Variants in CASZ1 observed in about 807,000 individuals in gnomAD.
CASZ1 encodes castor zinc finger 1, also known as zinc finger protein castor homolog 1.
In CASZ1, 28 loss-of-function variants were observed where a neutral mutation model predicts 135.2. The observed-to-expected ratio is 0.21, with a 90% confidence interval of 0.15 to 0.28. The LOEUF (loss-of-function observed/expected upper bound fraction) is 0.28, where lower values mean the gene tolerates loss of function less well. CASZ1 is among the 10% of genes least tolerant of loss of function. The pLI, the probability that CASZ1 is intolerant of heterozygous loss-of-function variation, is 1.00. For missense variants in CASZ1, 2,161 were observed against 2,453.3 expected (o/e 0.88, Z 2.52); for synonymous variants, 1,068 against 1,073.4 (o/e 0.99, Z 0.10).
Position 10,709,289 on chromosome 1 carries a change from G to A in CASZ1, c.-76-3745C>T, listed in dbSNP as rs61776336. 6.8e-3 allele frequency among the ~76,000 whole-genome samples: 1,043 copies of A among 152,266 alleles called. 18 individuals carry two copies. The highest frequency in any genetic ancestry group is 0.024 in the African/African-American group (990 of 41,556). ...CCCATCCGCCCCCGCACTCCACTGCGTCTCCTTCCCCCTGCCCCCAGCCCC... is the reference window on the plus strand; with the variant it reads ...CCCATCCGCCCCCGCACTCCACTGCATCTCCTTCCCCCTGCCCCCAGCCCC... On this transcript the variant is annotated intron_variant, in intron 2 of 20. Coordinates refer to ENST00000377022, the MANE Select transcript of CASZ1 (RefSeq NM_001079843.3). This position sits in a 1 kb window ranked among gnomAD's most constrained non-coding sequence, Gnocchi z 5.1.
chr1:10,653,980 C>T lies in CASZ1; in HGVS notation c.2077G>A (p.Glu693Lys), dbSNP rs1434818579. The T allele has an allele frequency of 6.2e-7, 1 of 1,614,036 alleles. No individual in the cohort carries two copies. Among genetic ancestry groups the T allele is most frequent in the Non-Finnish European group, 8.5e-7 (1 of 1,179,940 alleles). Residue 693 changes from glutamate (E) to lysine (K), a missense_variant, in exon 11 of 21, where the codon GAG (glutamate) becomes AAG (lysine). This residue lies in a region of CASZ1 where 248 missense variants were observed against 410.8 expected (regional missense o/e 0.60). Transcript: ENST00000377022. ...CCCGAGGAGCGGATGTGCCGGCGCT[C>T]ATGCTTGCGCTTGTGAGAGGTCATC... is the stretch of plus-strand genomic sequence containing the variant. ...SQMTSHKRKH[E>K]RRHIRSSGAL...
At chr1:10,698,933 C>T (rs1049202803) in intron 3 of CASZ1, among the ~76,000 whole-genome samples, 5 of 152,224 alleles carry the variant, frequency 3.3e-5, no homozygotes, top group African/African-American at 1.2e-4. Context: ...CACAGCGGAC[C>T]GGACCGGAGG....
At chr1:10,784,891 A>G (rs1640827424) in intron 1 of CASZ1, among the ~76,000 whole-genome samples, 1 of 152,162 alleles carries the variant, frequency 6.6e-6, no homozygotes, top group Non-Finnish European at 1.5e-5. Context: ...GAAATAGACT[A>G]AAAGCATCTA....
chr1:10,793,293 C>A (rs1640996761), intron 1 of CASZ1, among the ~76,000 whole-genome samples: 1 of 151,984 alleles, frequency 6.6e-6, no homozygotes, highest in Admixed American at 6.5e-5. Flanking sequence ...GATGATGCAA[C>A]TTAGAGATCA....
At chr1:10,688,277 A>G (rs953693959) in intron 4 of CASZ1, among the ~76,000 whole-genome samples, 10 of 152,196 alleles carry the variant, frequency 6.6e-5, no homozygotes, top group African/African-American at 1.9e-4. Flanking sequence ...CAGCTTCTCT[A>G]TCTTTTTCCA....
rs575151021 is a variant in CASZ1, at chr1:10,676,376, C to A, written c.17-10805G>T. 1.3e-5 allele frequency among the ~76,000 whole-genome samples: 2 copies of A among 152,206 alleles called. No homozygotes were observed. Among genetic ancestry groups the A allele is most frequent in the Non-Finnish European group, 2.9e-5 (2 of 68,020 alleles). ...GTCCTTCCTCTCCAAGGAGAGCCACCACAGAAGCAAAGCTCTCACTCCATC... is the reference window on the plus strand; with the variant it reads ...GTCCTTCCTCTCCAAGGAGAGCCACAACAGAAGCAAAGCTCTCACTCCATC... On this transcript the variant is annotated intron_variant, in intron 4 of 20. Coordinates refer to ENST00000377022, the MANE Select transcript of CASZ1 (RefSeq NM_001079843.3). This position sits in a 1 kb window ranked among gnomAD's most constrained non-coding sequence, Gnocchi z 4.5.
rs775586340 is a variant in CASZ1, at chr1:10,739,247, G to A, written c.-77+21454C>T. ...GCAGCTGCGGGACGGGTGCATTCAC[G>A]AGGGGGGTGTGTGCGCCTGGGGGTC... On this transcript the variant is annotated intron_variant, in intron 2 of 20. Transcript: ENST00000377022. This position sits in a 1 kb window ranked among gnomAD's most constrained non-coding sequence, Gnocchi z 4.8. 6.6e-6 allele frequency among the ~76,000 whole-genome samples: 1 copy of A among 152,146 alleles called. No homozygotes were observed. Among genetic ancestry groups the A allele is most frequent in the Admixed American group, 6.5e-5 (1 of 15,288 alleles).
Position 10,759,072 on chromosome 1 carries a change from C to G in CASZ1, c.-77+1629G>C, listed in dbSNP as rs1194554783. 6.6e-6 allele frequency among the ~76,000 whole-genome samples: 1 copy of G among 152,180 alleles called. No individual in the cohort carries two copies. The highest frequency in any genetic ancestry group is 2.4e-5 in the African/African-American group (1 of 41,436). On this transcript the variant is annotated intron_variant, in intron 2 of 20. Coordinates refer to ENST00000377022, the MANE Select transcript of CASZ1 (RefSeq NM_001079843.3). This position sits in a 1 kb window ranked among gnomAD's most constrained non-coding sequence, Gnocchi z 4.2. ...GAAAAACGAATAGGCGTGTTTTGCC[C>G]AGGCAAAGAAGAAAACAAAAAACCC...
chr1:10,640,107 A>T, intron 20 of CASZ1, 48 bp from the exon 21 acceptor site: 1 of 1,561,100 alleles, frequency 6.4e-7, no homozygotes, highest in Non-Finnish European at 8.6e-7. Context: ...CCACGTGGGC[A>T]CCATCAACAG....
At position 10,719,464 on chromosome 1, in the gene CASZ1, G is replaced by A. The variant is rs972701157; in HGVS notation, c.-76-13920C>T. ...AAGGTGATGTCCTAAGGCTGCACAC[G>A]CCATGCATTTAGAATCTGAGTGCTT... On this transcript the variant is annotated intron_variant, in intron 2 of 20. Coordinates refer to ENST00000377022, the MANE Select transcript of CASZ1 (RefSeq NM_001079843.3). This position sits in a 1 kb window ranked among gnomAD's most constrained non-coding sequence, Gnocchi z 4.0. Among the ~76,000 whole-genome samples the A allele has an allele frequency of 2.3e-4, 35 of 152,328 alleles. No individual in the cohort carries two copies. The highest frequency in any genetic ancestry group is 7.0e-4 in the African/African-American group (29 of 41,568).
chr1:10,777,350 C>T lies in CASZ1; in HGVS notation c.-233-16493G>A, dbSNP rs943648387. Among the ~76,000 whole-genome samples the T allele has an allele frequency of 6.6e-6, 1 of 152,196 alleles. No individual in the cohort carries two copies. Among genetic ancestry groups the T allele is most frequent in the African/African-American group, 2.4e-5 (1 of 41,436 alleles). On this transcript the variant is annotated intron_variant, in intron 1 of 20. Coordinates refer to ENST00000377022, the MANE Select transcript of CASZ1 (RefSeq NM_001079843.3). This position sits in a 1 kb window ranked among gnomAD's most constrained non-coding sequence, Gnocchi z 4.4. ...TCCTGGGCCAGGCCACCTCTGACCTCTGTGACTTCACCCTTCACCCACAAG... is the reference window on the plus strand; with the variant it reads ...TCCTGGGCCAGGCCACCTCTGACCTTTGTGACTTCACCCTTCACCCACAAG...
chr1:10,710,003 C>A (rs1557524366), intron 2 of CASZ1, among the ~76,000 whole-genome samples: 1 of 152,200 alleles, frequency 6.6e-6, no homozygotes, highest in East Asian at 1.9e-4. Context: ...TCTTTCCAGG[C>A]ACAGTCTTGG....
intron 1 of CASZ1, among the ~76,000 whole-genome samples, chr1:10,766,430 G>A (rs1640479819): frequency 6.6e-6 from 1 of 152,356 alleles, no homozygotes; most frequent in East Asian, 1.9e-4. Context: ...GAACCGTCAT[G>A]AGGATTAAAT....
rs1422020403 is a variant in CASZ1, at chr1:10,638,140, C to A, written c.*802G>T. 6.6e-6 allele frequency: 1 copy of A among 152,448 alleles called. No individual in the cohort carries two copies. The highest frequency in any genetic ancestry group is 2.1e-4 in the South Asian group (1 of 4,828). The allele number at this position is 152,448 out of a possible 1,614,324, so 9.4% of individuals were successfully genotyped here. A position where few individuals can be genotyped will look rare whatever the true frequency, so the allele number is the denominator to read the frequency against. On this transcript the variant is annotated 3_prime_UTR_variant, in exon 21 of 21. Coordinates refer to ENST00000377022, the MANE Select transcript of CASZ1 (RefSeq NM_001079843.3). The surrounding 1 kb of genome is among the most constrained non-coding windows in gnomAD (Gnocchi z 5.9). ...CTTTTTGTTCTATGTAGAATAATAA[C>A]CTTTACAGGAAAAATACTGTACAAC... is the stretch of plus-strand genomic sequence containing the variant.
At chr1:10,742,792 C>A (rs12735339) in intron 2 of CASZ1, among the ~76,000 whole-genome samples, 1 of 151,748 alleles carries the variant, frequency 6.6e-6, no homozygotes, top group Non-Finnish European at 1.5e-5. Flanking sequence ...AAGACCAGCC[C>A]GGGCAACATG....
chr1:10,783,419 AAAG>A (rs1414302968), intron 1 of CASZ1, among the ~76,000 whole-genome samples: 1 of 150,466 alleles, frequency 6.6e-6, no homozygotes, highest in Non-Finnish European at 1.5e-5. Flanking sequence ...GGAGGGATGG[AAAG>A]AAGAAATCCA....
chr1:10,740,956 T>A (rs1570545413), intron 2 of CASZ1, among the ~76,000 whole-genome samples: 1 of 51,054 alleles, frequency 2.0e-5, no homozygotes, highest in Non-Finnish European at 3.8e-5. Flanking sequence ...AGACCCTGTC[T>A]GGACAAAAAA....
chr1:10,791,873 G>T (rs867087139), intron 1 of CASZ1, among the ~76,000 whole-genome samples: 3 of 151,992 alleles, frequency 2.0e-5, no homozygotes, highest in East Asian at 1.9e-4. Context: ...AAACCTGCCC[G>T]GTCGCCATGG....
chr1:10,649,596 G>A, intron 13 of CASZ1, 159 bp from the exon 14 acceptor site: 1 of 822,906 alleles, frequency 1.2e-6, no homozygotes, highest in Non-Finnish European at 1.9e-6. Context: ...CTGTGGCTGG[G>A]CCCTCTCTGA....
Sources: gnomAD v4.1 joint callset for allele counts (sites outside exome capture counted in the v4.1 genomes callset) on GRCh38, gnomAD v4.1.1 for gene constraint, gnomAD v4.1.1 regional missense constraint, Gnocchi (gnomAD v3.1) non-coding constraint, MANE v1.5 for transcripts, NCBI Gene and HGNC (gene_info 2026-07-23, HGNC 2026-07-21) for gene names.